Variants in DGKB observed in about 807,000 individuals in gnomAD.
DGKB encodes diacylglycerol kinase beta, also known as 90 kDa diacylglycerol kinase.
In DGKB, 67 loss-of-function variants were observed where a neutral mutation model predicts 114.3. The observed-to-expected ratio is 0.59, with a 90% CI of 0.48 to 0.72. The LOEUF (loss-of-function observed/expected upper bound fraction) is 0.72, where lower values mean the gene tolerates loss of function less well. Among genes scored for constraint, DGKB ranks in the 30% least tolerant of loss-of-function variants. DGKB has a pLI of 0.00. For missense variants in DGKB, 907 were observed against 975.2 expected (o/e 0.93, Z 0.93); for synonymous variants, 398 against 323.1 (o/e 1.23, Z -2.49).
chr7:14,829,728 G>C (rs1846163078), intron 2 of DGKB, among the ~76,000 whole-genome samples: 1 of 152,070 alleles, frequency 6.6e-6, no homozygotes, highest in African/African-American at 2.4e-5. Context: ...AATTAACACA[G>C]AACTCTATGA....
chr7:14,717,377 T>C (rs993768781), intron 6 of DGKB, among the ~76,000 whole-genome samples: 2 of 152,132 alleles, frequency 1.3e-5, no homozygotes, highest in African/African-American at 2.4e-5. Context: ...TGGCTGTCAC[T>C]TCAATAGAAA....
At chr7:14,321,603 G>GAAAAAAAAAA (rs1164711723) in intron 23 of DGKB, among the ~76,000 whole-genome samples, 2 of 44,494 alleles carry the variant, frequency 4.5e-5, no homozygotes, top group African/African-American at 1.2e-4. Context: ...AGAGAAATAA[G>GAAAAAAAAAA]AAAAAAAAAA....
At chr7:14,478,343 G>A (rs112224163) in intron 20 of DGKB, 118 bp from the exon 21 acceptor site, 194 of 627,020 alleles carry the variant, frequency 3.1e-4, no homozygotes, top group African/African-American at 2.2e-3. Context: ...CAATATTATT[G>A]CCAAGAAGGT....
At chr7:14,838,012 A>C (rs1847390283) in intron 2 of DGKB, among the ~76,000 whole-genome samples, 1 of 152,162 alleles carries the variant, frequency 6.6e-6, no homozygotes, top group African/African-American at 2.4e-5. Flanking sequence ...CCATTTTAAT[A>C]ATGCTCTTAC....
rs545740075 is a variant in DGKB at position 14,263,597 on chromosome 7, CT to C, written c.2122+74917del. ...GATATTACCTTTTCCAAAAATCTCC[CT>C]AATTTATGGTGGCCACCTTCAGAAG... On this transcript the variant is annotated intron_variant, in intron 23 of 25. Transcript: ENST00000402815. Among the ~76,000 whole-genome samples, 21 of 152,266 alleles carry C rather than the reference CT, an allele frequency of 1.4e-4. No homozygotes were observed. The South Asian group carries it at 4.1e-3, about 30-fold the overall frequency.
Position 14,428,107 on chromosome 7 carries a change from G to A in DGKB, c.1835+50054C>T, listed in dbSNP as rs1363306349. ...TGATTCTGGCAATCAGAAATAATAGGCAATTATTTAATGCCTATTGTATGC... is the reference window on the plus strand; with the variant it reads ...TGATTCTGGCAATCAGAAATAATAGACAATTATTTAATGCCTATTGTATGC... On this transcript the variant is annotated intron_variant, in intron 21 of 25. Transcript: ENST00000402815. Among the ~76,000 whole-genome samples, 3 of 151,306 alleles carry A rather than the reference G, an allele frequency of 2.0e-5. No homozygotes were observed. In the East Asian group the frequency reaches 5.8e-4, roughly 29 times the overall value.
intron 2 of DGKB, among the ~76,000 whole-genome samples, chr7:14,832,706 G>A (rs1051121947): frequency 2.0e-5 from 3 of 151,876 alleles, no homozygotes; most frequent in African/African-American, 7.3e-5. Context: ...TTGTTTTCAT[G>A]GAGATCTCAT....
intron 2 of DGKB, among the ~76,000 whole-genome samples, chr7:14,779,226 T>C (rs930110319): frequency 1.4e-4 from 21 of 152,328 alleles, no homozygotes; most frequent in African/African-American, 4.6e-4. Flanking sequence ...TGTTTTAACA[T>C]TATTCTATTT....
intron 23 of DGKB, among the ~76,000 whole-genome samples, chr7:14,279,862 T>G (rs1799654374): frequency 1.3e-5 from 2 of 148,232 alleles, no homozygotes; most frequent in Non-Finnish European, 3.0e-5. Context: ...CATCTGTACA[T>G]CACCATCATC....
At chr7:14,368,014 T>A (rs954457774) in intron 21 of DGKB, among the ~76,000 whole-genome samples, 12 of 152,068 alleles carry the variant, frequency 7.9e-5, no homozygotes, top group African/African-American at 2.9e-4. Flanking sequence ...TTAAATGCAT[T>A]TTTGACATGA....
intron 20 of DGKB, among the ~76,000 whole-genome samples, chr7:14,551,635 C>T (rs961782324): frequency 6.6e-6 from 1 of 152,050 alleles, no homozygotes; most frequent in African/African-American, 2.4e-5. Context: ...AAGCCAAATA[C>T]AATTTATCTT....
intron 1 of DGKB, among the ~76,000 whole-genome samples, chr7:14,845,024 A>G (rs1848443934): frequency 6.9e-6 from 1 of 145,824 alleles, no homozygotes; most frequent in Non-Finnish European, 1.5e-5. Flanking sequence ...GGAGGATTGC[A>G]TGGGCCCAGG....
intron 21 of DGKB, among the ~76,000 whole-genome samples, chr7:14,457,352 A>G (rs908030237): frequency 1.3e-5 from 2 of 152,148 alleles, no homozygotes; most frequent in Non-Finnish European, 2.9e-5. Context: ...TAACTGGGTA[A>G]AGTTATTAAA....
intron 23 of DGKB, among the ~76,000 whole-genome samples, chr7:14,296,112 A>AC (rs1400149189): frequency 6.6e-6 from 1 of 151,224 alleles, no homozygotes; most frequent in African/African-American, 2.4e-5. Flanking sequence ...GCACACTGCA[A>AC]CCTCCACCTC....
chr7:14,474,915 C>T (rs1219830300), intron 21 of DGKB, among the ~76,000 whole-genome samples: 1 of 151,452 alleles, frequency 6.6e-6, no homozygotes, highest in Non-Finnish European at 1.5e-5. Flanking sequence ...GAAAGTTAAA[C>T]AGCATGCTTT....
chr7:14,574,824 T>C (rs764906964), intron 19 of DGKB, among the ~76,000 whole-genome samples: 142 of 152,160 alleles, frequency 9.3e-4, no homozygotes, highest in Non-Finnish European at 1.6e-3. Context: ...CCTTTTCCCG[T>C]CTAGTGATAT....
intron 1 of DGKB, among the ~76,000 whole-genome samples, chr7:14,842,803 G>A (rs11980500): frequency 0.21 from 32,458 of 152,068 alleles, 3,812 homozygotes; most frequent in East Asian, 0.4. Context: ...TTCAATGACA[G>A]GGTGAAAACA....
At chr7:14,857,960 T>C (rs1322946900) in intron 1 of DGKB, among the ~76,000 whole-genome samples, 1 of 152,168 alleles carries the variant, frequency 6.6e-6, no homozygotes, top group East Asian at 1.9e-4. Context: ...TTTGGCCATA[T>C]GGATAATTAT....
chr7:14,485,732 GAA>G (rs59229743), intron 20 of DGKB, among the ~76,000 whole-genome samples: 24 of 149,192 alleles, frequency 1.6e-4, no homozygotes, highest in African/African-American at 5.7e-4. Context: ...TAAAAATACA[GAA>G]AAAAAAAAAT....
Sources: gnomAD v4.1 joint callset for allele counts (sites outside exome capture counted in the v4.1 genomes callset) on GRCh38, gnomAD v4.1.1 for gene constraint, MANE v1.5 for transcripts, NCBI Gene and HGNC (gene_info 2026-07-23, HGNC 2026-07-21) for gene names.